The following LDLRAD4 variants were observed in gnomAD, a reference collection of about 807,000 sequenced individuals.
LDLRAD4 encodes the protein low-density lipoprotein receptor class A domain-containing protein 4.
Under a neutral mutation model 17.0 loss-of-function variants are expected in LDLRAD4, and 5 were observed. The observed-to-expected ratio is 0.29, with a 90% CI of 0.15 to 0.62. The LOEUF (loss-of-function observed/expected upper bound fraction) is 0.62, where lower values mean the gene tolerates loss of function less well. Among genes scored for constraint, LDLRAD4 ranks in the 20% least tolerant of loss-of-function variants. LDLRAD4 has a pLI of 0.84. For missense variants in LDLRAD4, 340 were observed against 424.7 expected (o/e 0.80, Z 1.75); for synonymous variants, 168 against 171.8 (o/e 0.98, Z 0.17).
At chr18:13,614,336 A>G (rs1277673961) in intron 3 of LDLRAD4, 1 of 152,024 alleles carries the variant, frequency 6.6e-6, no homozygotes, top group Non-Finnish European at 1.5e-5. Context: ...GAAGTCCCCA[A>G]AGGTAGTGAA....
chr18:13,548,998 A>G (rs2094402900), intron 3 of LDLRAD4, among the ~76,000 whole-genome samples: 1 of 152,266 alleles, frequency 6.6e-6, no homozygotes, highest in Admixed American at 6.5e-5. Flanking sequence ...CTTCTTGAAT[A>G]TTCAGCTCCC....
At chr18:13,555,613 A>G (rs988193356) in intron 3 of LDLRAD4, among the ~76,000 whole-genome samples, 1 of 152,222 alleles carries the variant, frequency 6.6e-6, no homozygotes, top group Non-Finnish European at 1.5e-5. Flanking sequence ...TTAGCCCTAT[A>G]AGGCATATAG....
intron 3 of LDLRAD4, among the ~76,000 whole-genome samples, chr18:13,497,498 G>GT (rs960874302): frequency 3.2e-3 from 461 of 144,746 alleles, no homozygotes; most frequent in Middle Eastern, 0.011. Flanking sequence ...CTCTTGTAGT[G>GT]TTTTTTTTTT....
intron 2 of LDLRAD4, among the ~76,000 whole-genome samples, chr18:13,417,324 C>A (rs147151097): frequency 6.6e-6 from 1 of 152,116 alleles, no homozygotes; most frequent in African/African-American, 2.4e-5. Context: ...AAATTCAATG[C>A]GAAAGTTAGG....
Position 13,572,141 on chromosome 18 carries a change from C to T in LDLRAD4, c.182-48976C>T, listed in dbSNP as rs547579172. On this transcript the variant is annotated intron_variant, in intron 3 of 5. Transcript: ENST00000359446. ...TGAAGGAAACAGCGTTACCCGAGGA[C>T]TTGCTGTATGTCATTTCGTTTACAG... 7.2e-5 allele frequency among the ~76,000 whole-genome samples: 11 copies of T among 152,324 alleles called. 1 individual carries two copies. In the East Asian group the frequency reaches 1.9e-3, roughly 27 times the overall value.
upstream of LDLRAD4, among the ~76,000 whole-genome samples, chr18:13,274,968 G>T (rs1277569869): frequency 2.0e-5 from 3 of 152,010 alleles, no homozygotes; most frequent in Non-Finnish European, 2.9e-5. Flanking sequence ...GTTTGAGGCT[G>T]CAGTGAGCTA....
Position 13,608,937 on chromosome 18 carries a change from A to G in LDLRAD4, c.182-12180A>G, listed in dbSNP as rs141068250. Among the ~76,000 whole-genome samples, 415 of 152,312 alleles carry G rather than the reference A, an allele frequency of 2.7e-3. 2 individuals carry two copies. The highest frequency in any genetic ancestry group is 9.3e-3 in the African/African-American group (388 of 41,570). On this transcript the variant is annotated intron_variant, in intron 3 of 5. Transcript: ENST00000359446. ...TTGTTGCTACCAACAACTCTTGTGA[A>G]AGTCTTTGGTGTCCCTGCCTTGCTC...
intron 4 of LDLRAD4, among the ~76,000 whole-genome samples, chr18:13,625,042 G>A (rs773575174): frequency 2.0e-5 from 3 of 152,144 alleles, no homozygotes; most frequent in African/African-American, 2.4e-5. Flanking sequence ...AGGCCCTGGC[G>A]GCGGCTCAGC....
intron 3 of LDLRAD4, among the ~76,000 whole-genome samples, chr18:13,463,354 C>A (rs1266789036): frequency 1.3e-5 from 2 of 152,172 alleles, no homozygotes; most frequent in Non-Finnish European, 2.9e-5. Context: ...GCCCCCTGAG[C>A]CTGGGGTTCA....
At chr18:13,312,281 A>G (rs2047282137) in intron 1 of LDLRAD4, among the ~76,000 whole-genome samples, 2 of 152,210 alleles carry the variant, frequency 1.3e-5, no homozygotes, top group South Asian at 4.1e-4. Context: ...GTGAAACATA[A>G]ATGAATTTTC....
intron 2 of LDLRAD4, among the ~76,000 whole-genome samples, chr18:13,413,086 C>G (rs1355850465): frequency 6.6e-6 from 1 of 152,180 alleles, no homozygotes; most frequent in East Asian, 1.9e-4. Flanking sequence ...TTGAGCCTTG[C>G]TGTCTTCTCA....
chr18:13,629,713 T>C (rs960149286), intron 4 of LDLRAD4, among the ~76,000 whole-genome samples: 11 of 152,162 alleles, frequency 7.2e-5, no homozygotes, highest in Non-Finnish European at 1.2e-4. Context: ...GCATTAATAA[T>C]CTAATAGTAA....
chr18:13,264,428 A>T (rs1210101815), intron 1 of LDLRAD4, among the ~76,000 whole-genome samples: 6 of 152,268 alleles, frequency 3.9e-5, no homozygotes, highest in Non-Finnish European at 8.8e-5. Flanking sequence ...ATGCTTAGAA[A>T]GCCAGGAACG....
At chr18:13,253,030 C>T (rs999858139) in intron 1 of LDLRAD4, among the ~76,000 whole-genome samples, 1 of 152,160 alleles carries the variant, frequency 6.6e-6, no homozygotes, top group Non-Finnish European at 1.5e-5. Context: ...AGGGTGCAGG[C>T]CTGCTTCACT....
intron 1 of LDLRAD4, among the ~76,000 whole-genome samples, chr18:13,229,489 C>T (rs2041965238): frequency 6.6e-6 from 1 of 152,208 alleles, no homozygotes; most frequent in Admixed American, 6.5e-5. Flanking sequence ...CGTGAGACAT[C>T]TGCCCTGCAC....
chr18:13,415,417 G>A (rs1024423147), intron 2 of LDLRAD4, among the ~76,000 whole-genome samples: 6 of 152,358 alleles, frequency 3.9e-5, no homozygotes, highest in African/African-American at 1.4e-4. Flanking sequence ...TGATGATGTG[G>A]CTCTTCTGAA....
At chr18:13,617,109 T>TC (rs2040160728) in intron 3 of LDLRAD4, among the ~76,000 whole-genome samples, 1 of 151,966 alleles carries the variant, frequency 6.6e-6, no homozygotes, top group South Asian at 2.1e-4. Context: ...CTTTACTTTT[T>TC]TTTTTTTTTT....
At chr18:13,498,328 G>A (rs560972241) in intron 3 of LDLRAD4, among the ~76,000 whole-genome samples, 3,833 of 137,564 alleles carry the variant, frequency 0.028, 155 homozygotes, top group Middle Eastern at 0.05. Flanking sequence ...ACGTCCTGCC[G>A]TGGACACTGG....
exon 2 of LDLRAD4, chr18:13,387,585 C>A: frequency 3.9e-6 from 3 of 770,256 alleles, no homozygotes; most frequent in Non-Finnish European, 4.4e-6. Flanking sequence ...GGCAGGTGGG[C>A]CGCGGATGCT....
Sources: allele counts gnomAD v4.1 joint callset (sites outside exome capture counted in the v4.1 genomes callset), GRCh38; gene constraint gnomAD v4.1.1; transcripts MANE v1.5; gene names NCBI Gene and HGNC (gene_info 2026-07-23, HGNC 2026-07-21).